AZIN2: variants seen among roughly 807,000 people sequenced by gnomAD.
AZIN2 encodes the protein antizyme inhibitor 2, also known as ODC antizyme inhibitor-2.
In AZIN2, 28 loss-of-function variants were observed where a neutral mutation model predicts 47.8. The observed-to-expected ratio is 0.59, with a 90% CI of 0.43 to 0.80. AZIN2 has a LOEUF of 0.80. Ranked by LOEUF, AZIN2 falls within the 30% of genes least tolerant of loss-of-function variation. The pLI is 0.00. For synonymous variants in AZIN2, 221 were observed against 239.4 expected (o/e 0.92, Z 0.71); for missense variants, 535 against 582.5 (o/e 0.92, Z 0.84).
chr1:33,087,749 T>TCA (rs1323971215), intron 5 of AZIN2, among the ~76,000 whole-genome samples: 13 of 133,832 alleles, frequency 9.7e-5, no homozygotes, highest in African/African-American at 3.4e-4. Flanking sequence ...AATGCATTCT[T>TCA]TAAAAAAAAA....
the AZIN2 span, chr1:33,147,685 C>G: frequency 6.2e-7 from 1 of 1,613,478 alleles, no homozygotes; most frequent in Non-Finnish European, 8.5e-7. The surrounding 1 kb of genome is among the most constrained non-coding windows in gnomAD (Gnocchi z 8.1). Flanking sequence ...CAGGATCAGG[C>G]GCTGGTGGGC....
the AZIN2 span, chr1:33,164,038 T>C: frequency 6.6e-6 from 1 of 152,256 alleles, no homozygotes; most frequent in Non-Finnish European, 1.5e-5. Context: ...TCCGCTCTCA[T>C]ACAGAGAGAG....
At chr1:33,112,030 C>A (rs947718639) in intron 10 of AZIN2, among the ~76,000 whole-genome samples, 19 of 152,096 alleles carry the variant, frequency 1.2e-4, no homozygotes, top group African/African-American at 4.1e-4. Context: ...TGAAAAGGTG[C>A]TCAGTGGTAA....
Position 33,122,864 on chromosome 1 carries a change from C to T in AZIN2, c.*2682C>T, listed in dbSNP as rs539267658. 6.6e-6 allele frequency among the ~76,000 whole-genome samples: 1 copy of T among 152,332 alleles called. No homozygotes were observed. The highest frequency in any genetic ancestry group is 1.9e-4 in the East Asian group (1 of 5,188). ...TAACAGATCTGAGCTTCCATCTTCT[C>T]ATACTCAGGACTGGCCCCTTCTTCC... On this transcript the variant is annotated 3_prime_UTR_variant, in exon 12 of 12. Transcript: ENST00000294517.
chr1:33,121,181 C>T lies in AZIN2; in HGVS notation c.*999C>T, dbSNP rs1235489791. 4.6e-5 allele frequency among the ~76,000 whole-genome samples: 7 copies of T among 152,162 alleles called. No individual in the cohort carries two copies. The highest frequency in any genetic ancestry group is 1.4e-4 in the African/African-American group (6 of 41,442). On this transcript the variant is annotated 3_prime_UTR_variant, in exon 12 of 12. Coordinates refer to ENST00000294517, the MANE Select transcript of AZIN2 (RefSeq NM_052998.4). The stretch of plus-strand genomic sequence containing the variant: ...AAGGAGTTCAGATTTTAGAGTCCCC[C>T]TCAGTGGCTGCAGGGGACTCTAAAT...
At chr1:33,125,795 T>C (rs981063999), downstream of AZIN2, among the ~76,000 whole-genome samples, 2 of 152,098 alleles carry the variant, frequency 1.3e-5, no homozygotes, top group African/African-American at 4.8e-5. Flanking sequence ...ACCCCAAATC[T>C]CTGCATAGAT....
chr1:33,158,836 T>TC, the AZIN2 span, among the ~76,000 whole-genome samples: 1 of 151,094 alleles, frequency 6.6e-6, no homozygotes, highest in East Asian at 1.9e-4. Flanking sequence ...TCAGTTTTTT[T>TC]CTTTTTTTTC....
chr1:33,086,475 T>C (rs913565407), intron 5 of AZIN2, among the ~76,000 whole-genome samples: 1 of 152,208 alleles, frequency 6.6e-6, no homozygotes, highest in Non-Finnish European at 1.5e-5. Flanking sequence ...GCAGACCCTT[T>C]GGTGCGCTTC....
chr1:33,160,092 TG>T, the AZIN2 span: 9 of 1,043,332 alleles, frequency 8.6e-6, no homozygotes, highest in Non-Finnish European at 1.1e-5. Flanking sequence ...TGCAAAAGCA[TG>T]GTGGTAGGAA....
chr1:33,093,546 ATTT>A, intron 7 of AZIN2, 130 bp downstream of exon 7: 1 of 1,226,312 alleles, frequency 8.2e-7, no homozygotes, highest in Non-Finnish European at 1.1e-6. Context: ...GAATTCTTCC[ATTT>A]GAGAATTTCC....
the AZIN2 span, chr1:33,145,321 T>A: frequency 6.5e-6 from 1 of 152,850 alleles, no homozygotes; most frequent in African/African-American, 2.4e-5. Flanking sequence ...CTTTGTGGAT[T>A]AGCTATGCTC....
chr1:33,085,069 T>C (rs751212867), intron 5 of AZIN2, among the ~76,000 whole-genome samples: 23 of 152,150 alleles, frequency 1.5e-4, no homozygotes, highest in Non-Finnish European at 2.9e-4. Flanking sequence ...TAAAAGCATT[T>C]AAGCTATAAA....
At chr1:33,137,202 T>G in the AZIN2 span, among the ~76,000 whole-genome samples, 8 of 152,072 alleles carry the variant, frequency 5.3e-5, no homozygotes, top group African/African-American at 1.9e-4. Flanking sequence ...CAGGGTAGTA[T>G]GGGGACTGGA....
At chr1:33,144,055 T>C in the AZIN2 span, among the ~76,000 whole-genome samples, 5 of 152,350 alleles carry the variant, frequency 3.3e-5, no homozygotes, top group South Asian at 8.3e-4. Flanking sequence ...ATGGCATTCA[T>C]GATTATGCCT....
At chr1:33,092,265 C>G (rs751321647) in intron 6 of AZIN2, 43 bp downstream of exon 6, 37 of 1,465,914 alleles carry the variant, frequency 2.5e-5, no homozygotes, top group African/African-American at 3.4e-5. Context: ...CTGTGGGGAG[C>G]CTGGGCTGTG....
chr1:33,120,616 C>T lies in AZIN2; in HGVS notation c.*434C>T, dbSNP rs1368057701. On this transcript the variant is annotated 3_prime_UTR_variant, in exon 12 of 12. Transcript: ENST00000294517. ...CCATCACTCACTGATGAGCCCACAC[C>T]CTCTGCTTTAGTCCTGAGCCCTGGC... The T allele has an allele frequency of 6.0e-6, 1 of 165,958 alleles. No homozygotes were observed. Among genetic ancestry groups the T allele is most frequent in the South Asian group, 1.4e-4 (1 of 7,116 alleles). The allele number at this position is 165,958 out of a possible 1,614,324, so 10.3% of individuals were successfully genotyped here. A position where few individuals can be genotyped will look rare whatever the true frequency, so the allele number is the denominator to read the frequency against.
In AZIN2 at chr1:33,094,786, G is replaced by A. The variant is rs566174057; in HGVS notation, c.753+73G>A. ...ATAGGGAGGGATTAGATGATCGGAG[G>A]GAGACCACCGTGCGTGGGTCCTATG... On this transcript the variant is annotated intron_variant, in intron 8 of 11. Coordinates refer to ENST00000294517, the MANE Select transcript of AZIN2 (RefSeq NM_052998.4). 155 of 1,545,996 alleles carry A rather than the reference G, an allele frequency of 1.0e-4. No homozygotes were observed. In the African/African-American group the frequency reaches 1.9e-3, roughly 19 times the overall value.
At chr1:33,082,055 AG>A (rs930103397) in intron 3 of AZIN2, 122 bp from the exon 4 acceptor site, 4 of 598,696 alleles carry the variant, frequency 6.7e-6, no homozygotes, top group Non-Finnish European at 1.2e-5. Context: ...ACCCTTGCCC[AG>A]TGAACCCCGG....
chr1:33,092,249 G>T (rs1000016877), intron 6 of AZIN2, 27 bp downstream of exon 6: 3 of 1,602,648 alleles, frequency 1.9e-6, no homozygotes, highest in Non-Finnish European at 2.6e-6. Flanking sequence ...TCATGGGGAG[G>T]CTGGGCTGTG....
Sources: gnomAD v4.1 joint callset for allele counts (sites outside exome capture counted in the v4.1 genomes callset) on GRCh38, gnomAD v4.1.1 for gene constraint, Gnocchi (gnomAD v3.1) non-coding constraint, MANE v1.5 for transcripts, NCBI Gene and HGNC (gene_info 2026-07-23, HGNC 2026-07-21) for gene names.